Variants in KCTD21 observed in about 807,000 individuals in gnomAD.
KCTD21 encodes the protein BTB/POZ domain-containing protein KCTD21.
KCTD21 carries 9 observed loss-of-function variants against 13.2 expected under a neutral mutation model. That is an observed-to-expected ratio of 0.68 (90% CI 0.41 to 1.19). The LOEUF (loss-of-function observed/expected upper bound fraction) is 1.19. Ranked by LOEUF, KCTD21 falls within the 50% of genes most tolerant of loss-of-function variation. KCTD21 has a pLI of 0.01. For missense variants in KCTD21, 303 were observed against 336.5 expected (o/e 0.90, Z 0.78); for synonymous variants, 142 against 137.4 (o/e 1.03, Z -0.23).
intron 1 of KCTD21, among the ~76,000 whole-genome samples, chr11:78,180,552 C>A (rs1862586482): frequency 6.6e-6 from 1 of 152,104 alleles, no homozygotes; most frequent in Non-Finnish European, 1.5e-5. Flanking sequence ...AATACTCCAG[C>A]AAAGAAGATA....
chr11:78,175,903 T>C lies in KCTD21; in HGVS notation c.-29-1320A>G, dbSNP rs555834761. Among the ~76,000 whole-genome samples the C allele has an allele frequency of 4.1e-4, 62 of 151,972 alleles. No individual in the cohort carries two copies. The East Asian group carries it at 0.012, about 29-fold the overall frequency. On this transcript the variant is annotated intron_variant, in intron 1 of 1. Transcript: ENST00000340067. Reference sequence around the variant, plus strand: ...CTCCCCTCCCCCTACCCCACAACAGTCCCCAGAGTGTGATGTTCCCCTTCC... The same window carrying C: ...CTCCCCTCCCCCTACCCCACAACAGCCCCCAGAGTGTGATGTTCCCCTTCC...
At chr11:78,175,518 C>T (rs1200295933) in intron 1 of KCTD21, among the ~76,000 whole-genome samples, 1 of 151,992 alleles carries the variant, frequency 6.6e-6, no homozygotes, top group East Asian at 1.9e-4. Context: ...AGCCAAAGAT[C>T]GGTTCTAAGT....
At chr11:78,187,574 A>C in intron 1 of KCTD21, 3 of 985,200 alleles carry the variant, frequency 3.0e-6, no homozygotes, top group Non-Finnish European at 3.6e-6. Flanking sequence ...TTCTCGGCTC[A>C]CTCTCACGCT....
chr11:78,177,149 C>A (rs1286905047), intron 1 of KCTD21, among the ~76,000 whole-genome samples: 1 of 152,248 alleles, frequency 6.6e-6, no homozygotes, highest in African/African-American at 2.4e-5. Flanking sequence ...CCTGAAGAGG[C>A]TGACTGCACT....
chr11:78,181,120 A>G (rs1365453923), intron 1 of KCTD21, among the ~76,000 whole-genome samples: 2 of 152,176 alleles, frequency 1.3e-5, no homozygotes, highest in African/African-American at 2.4e-5. Flanking sequence ...GCAGTGTGAG[A>G]ATGGACTAAT....
intron 1 of KCTD21, chr11:78,188,316 T>G (rs1161323835): frequency 1.9e-5 from 19 of 983,324 alleles, no homozygotes; most frequent in Non-Finnish European, 2.3e-5. Flanking sequence ...ACCCTCATTA[T>G]CCGGGCTTTT....
Position 78,173,681 on chromosome 11 carries a change from C to T in KCTD21, c.*91G>A. On this transcript the variant is annotated 3_prime_UTR_variant, in exon 2 of 2. Transcript: ENST00000340067. Reference sequence around the variant, plus strand: ...ACAATTAATACAGATTAGTATAGTCCCCTGCCTCGCACCACTGGCGAGATG... The same window carrying T: ...ACAATTAATACAGATTAGTATAGTCTCCTGCCTCGCACCACTGGCGAGATG... 9.7e-7 allele frequency: 1 copy of T among 1,029,816 alleles called. No homozygotes were observed. 63.8% of individuals were successfully genotyped at this position (1,029,816 alleles called of 1,614,324 possible).
At chr11:78,188,398 C>T in intron 1 of KCTD21, 175 bp downstream of exon 1, 1 of 985,672 alleles carries the variant, frequency 1.0e-6, no homozygotes, top group Non-Finnish European at 1.2e-6. Context: ...CTTCGGCTCA[C>T]CTCGCTCCGA....
chr11:78,186,900 G>A lies in KCTD21; in HGVS notation c.-30+1673C>T, dbSNP rs992106794. ...GCCTGGCTCCCTTGCTGGGGCTGGG[G>A]GTGCCCCTTTCTATATCCACAGAAG... On this transcript the variant is annotated intron_variant, in intron 1 of 1. Transcript: ENST00000340067. The A allele has an allele frequency of 5.1e-6, 5 of 985,320 alleles. No homozygotes were observed. The Middle Eastern group carries it at 1.5e-3, about 305-fold the overall frequency. The allele number at this position is 985,320 out of a possible 1,614,324, so 61.0% of individuals were successfully genotyped here.
At chr11:78,187,257 C>T (rs1224369700) in intron 1 of KCTD21, 3 of 985,194 alleles carry the variant, frequency 3.0e-6, no homozygotes, top group East Asian at 2.3e-4. Context: ...GACGACTACC[C>T]TTTCTTCACC....
At chr11:78,186,268 C>G (rs903630563) in intron 1 of KCTD21, among the ~76,000 whole-genome samples, 2 of 146,808 alleles carry the variant, frequency 1.4e-5, no homozygotes, top group African/African-American at 2.5e-5. Flanking sequence ...CCCAGCTGCA[C>G]AGGCTGAGGT....
chr11:78,174,835 C>A, intron 1 of KCTD21: 1 of 352,396 alleles, frequency 2.8e-6, no homozygotes, highest in Non-Finnish European at 5.2e-6. Context: ...CCTGGGTCCC[C>A]CGCGCCCCCC....
At chr11:78,187,176 T>A in intron 1 of KCTD21, 1 of 985,238 alleles carries the variant, frequency 1.0e-6, no homozygotes, top group Non-Finnish European at 1.2e-6. Context: ...GAGTACTGTG[T>A]TTTCCAGTAA....
chr11:78,177,327 G>C (rs1167588809), intron 1 of KCTD21, among the ~76,000 whole-genome samples: 2 of 152,230 alleles, frequency 1.3e-5, no homozygotes, highest in African/African-American at 4.8e-5. Context: ...AGTGTCTGAG[G>C]AGAAATGAGT....
chr11:78,174,829 G>A (rs903325521), intron 1 of KCTD21: 1 of 366,552 alleles, frequency 2.7e-6, no homozygotes, highest in African/African-American at 2.1e-5. Flanking sequence ...CTAAAGCCTG[G>A]GTCCCCCGCG....
chr11:78,180,025 C>A (rs949313570), intron 1 of KCTD21, among the ~76,000 whole-genome samples: 6 of 152,138 alleles, frequency 3.9e-5, no homozygotes, highest in East Asian at 3.9e-4. Flanking sequence ...AAAAAAAGAA[C>A]CTTGGTCCAT....
chr11:78,185,849 C>G (rs1036918835), intron 1 of KCTD21, among the ~76,000 whole-genome samples: 3 of 152,110 alleles, frequency 2.0e-5, no homozygotes, highest in Non-Finnish European at 2.9e-5. Context: ...ACCTCAGCCT[C>G]CCAAAGTGCT....
In KCTD21 at chr11:78,174,337, T is replaced by A. The variant is rs1862380895; in HGVS notation, c.218A>T (p.Asp73Val). The A allele has an allele frequency of 6.2e-7, 1 of 1,613,776 alleles. No individual in the cohort carries two copies. Among genetic ancestry groups the A allele is most frequent in the South Asian group, 1.1e-5 (1 of 91,064 alleles). Reference protein sequence around the residue: ...LRTSHLDLPEDFQEMGLLRRE... With the variant: ...LRTSHLDLPEVFQEMGLLRRE... ...GCGGAGCAGCCCCATCTCCTGGAAG[T>A]CCTCAGGCAGGTCAAGGTGGGAGGT... Residue 73 changes from aspartate to valine, a missense_variant, in exon 2 of 2, where the codon GAC (aspartate) becomes GTC (valine). Coordinates refer to ENST00000340067, the MANE Select transcript of KCTD21 (RefSeq NM_001029859.3).
chr11:78,188,266 C>T, intron 1 of KCTD21: 1 of 984,248 alleles, frequency 1.0e-6, no homozygotes. Flanking sequence ...GATCCCGCCT[C>T]TCCTTGCCCC....
Sources: allele counts gnomAD v4.1 joint callset (sites outside exome capture counted in the v4.1 genomes callset), GRCh38; gene constraint gnomAD v4.1.1; transcripts MANE v1.5; gene names NCBI Gene and HGNC (gene_info 2026-07-23, HGNC 2026-07-21).